The following ERBB2 variants were observed in gnomAD, a reference collection of about 807,000 sequenced individuals.
ERBB2 encodes erb-b2 receptor tyrosine kinase 2.
A neutral mutation model predicts 149.0 loss-of-function variants in ERBB2; 61 were observed. The observed-to-expected ratio is 0.41, with a 90% CI of 0.33 to 0.51. ERBB2 has a LOEUF of 0.51. Among genes scored for constraint, ERBB2 ranks in the 20% least tolerant of loss-of-function variants. The probability of loss-of-function intolerance (pLI) is 0.25; values close to 1 mark genes in which losing one functional copy is unlikely to be tolerated. For missense variants in ERBB2, 1,205 were observed against 1,655.1 expected, an observed-to-expected ratio of 0.73 and a Z score of 4.72; for synonymous variants, 633 against 678.8, an observed-to-expected ratio of 0.93 and a Z score of 1.05.
upstream of ERBB2, among the ~76,000 whole-genome samples, chr17:39,695,758 C>T (rs1051028060): frequency 2.7e-5 from 4 of 148,802 alleles, no homozygotes; most frequent in Non-Finnish European, 1.5e-5. Flanking sequence ...CACACACACA[C>T]GTCTCCTGTG....
chr17:39,694,262 T>TAAACAC (rs1164374202), upstream of ERBB2, among the ~76,000 whole-genome samples: 1 of 28,904 alleles, frequency 3.5e-5, no homozygotes, highest in Non-Finnish European at 7.8e-5. Context: ...TATATATATA[T>TAAACAC]ATATATGTGT....
rs2145265909 is a variant in ERBB2, at chr17:39,700,212, C to T, written c.-27C>T. ...CCTCCCAGCCGGGTCCAGCCGGAGC[C>T]ATGGGGCCGGAGCCGCAGTGAGCAC... On this transcript the variant is annotated 5_prime_UTR_variant, in exon 1 of 27. Transcript: ENST00000269571. 2.1e-6 allele frequency: 3 copies of T among 1,429,958 alleles called. No individual in the cohort carries two copies. The highest frequency in any genetic ancestry group is 2.7e-6 in the Non-Finnish European group (3 of 1,096,156). The allele number at this position is 1,429,958 out of a possible 1,614,324, so 88.6% of individuals were successfully genotyped here.
intron 9 of ERBB2, among the ~76,000 whole-genome samples, chr17:39,712,924 G>A (rs2058893279): frequency 6.6e-6 from 1 of 152,154 alleles, no homozygotes; most frequent in South Asian, 2.1e-4. Context: ...CTTTATGTGA[G>A]GCTCTGAACC....
chr17:39,723,699 G>A lies in ERBB2; in HGVS notation c.2208+39G>A, dbSNP rs775589007. 27 of 1,583,056 alleles carry A rather than the reference G, an allele frequency of 1.7e-5. No homozygotes were observed. The South Asian group carries it at 2.6e-4, about 15-fold the overall frequency. On this transcript the variant is annotated intron_variant, in intron 18 of 26. Coordinates refer to ENST00000269571, the MANE Select transcript of ERBB2 (RefSeq NM_004448.4). The surrounding 1 kb of genome is among the most constrained non-coding windows in gnomAD (Gnocchi z 6.2). Reference sequence around the variant, plus strand: ...CCTGGGGTGGGCGGCCCCAGAGGATGGGGGCGGTGCCTGGAGGGGTGTGGT... The same window carrying A: ...CCTGGGGTGGGCGGCCCCAGAGGATAGGGGCGGTGCCTGGAGGGGTGTGGT...
At chr17:39,712,801 A>G (rs368007383) in intron 9 of ERBB2, among the ~76,000 whole-genome samples, 37 of 152,372 alleles carry the variant, frequency 2.4e-4, no homozygotes, top group African/African-American at 7.0e-4. Context: ...CCATTTGGTG[A>G]AGTTCTACTT....
At position 39,706,762 on chromosome 17, in the gene ERBB2, G is replaced by A. The variant is rs4252609; in HGVS notation, c.74-228G>A. The A allele has an allele frequency of 1.5e-4, 58 of 388,382 alleles. No homozygotes were observed. In the East Asian group the frequency reaches 2.2e-3, roughly 15 times the overall value. The allele number at this position is 388,382 out of a possible 1,614,324, so 24.1% of individuals were successfully genotyped here. A position where few individuals can be genotyped will look rare whatever the true frequency, so the allele number is the denominator to read the frequency against. On this transcript the variant is annotated intron_variant, in intron 1 of 26. Coordinates refer to ENST00000269571, the MANE Select transcript of ERBB2 (RefSeq NM_004448.4). ...GGGGCAGCCTCTGAATGCACAGGGT[G>A]GGCCTAGTCAGAAGAAGCCTTTCCC...
At chr17:39,716,248 G>A in intron 12 of ERBB2, 53 bp from the exon 13 acceptor site, 2 of 1,511,152 alleles carry the variant, frequency 1.3e-6, no homozygotes, top group East Asian at 4.9e-5. Context: ...TGGTTCACTT[G>A]GACCTGGGGC....
intron 14 of ERBB2, 22 bp from the exon 15 acceptor site, chr17:39,717,298 A>T: frequency 6.3e-7 from 1 of 1,581,758 alleles, no homozygotes; most frequent in South Asian, 1.1e-5. Context: ...AGCCCCCCAC[A>T]AATCTTTTCT....
upstream of ERBB2, among the ~76,000 whole-genome samples, chr17:39,693,765 AAATAATAATAATAAT>A (rs71355408): frequency 0.018 from 2,520 of 143,434 alleles, 62 homozygotes; most frequent in African/African-American, 0.058. Flanking sequence ...CTCGAAAATA[AAATAATAATAATAAT>A]AATAATAATA....
chr17:39,704,718 G>A (rs531230122), intron 1 of ERBB2, among the ~76,000 whole-genome samples: 11 of 152,246 alleles, frequency 7.2e-5, no homozygotes, highest in South Asian at 4.2e-4. Flanking sequence ...CCTGGGAACC[G>A]TTCTCAGGGT....
chr17:39,696,336 C>A (rs183729890), upstream of ERBB2, among the ~76,000 whole-genome samples: 1 of 152,204 alleles, frequency 6.6e-6, no homozygotes, highest in African/African-American at 2.4e-5. Context: ...CTCCAGCCCC[C>A]TCTCCAGCTT....
chr17:39,721,261 C>CTTTTTTTTTTTT, intron 16 of ERBB2, among the ~76,000 whole-genome samples: 1 of 82,952 alleles, frequency 1.2e-5, no homozygotes, highest in Non-Finnish European at 2.5e-5. Flanking sequence ...TGAGCCAAGT[C>CTTTTTTTTTTTT]TTTTTTTTTT....
In ERBB2 at chr17:39,723,679, G is replaced by A. The variant is rs371040692; in HGVS notation, c.2208+19G>A. On this transcript the variant is annotated intron_variant, in intron 18 of 26. Transcript: ENST00000269571. The surrounding 1 kb of genome is among the most constrained non-coding windows in gnomAD (Gnocchi z 6.2). Reference sequence around the variant, plus strand: ...CTACAAGGTCAGGGCCAGGTCCTGGGGTGGGCGGCCCCAGAGGATGGGGGC... The same window carrying A: ...CTACAAGGTCAGGGCCAGGTCCTGGAGTGGGCGGCCCCAGAGGATGGGGGC... 6 of 1,594,900 alleles carry A rather than the reference G, an allele frequency of 3.8e-6. No individual in the cohort carries two copies. The highest frequency in any genetic ancestry group is 5.1e-6 in the Non-Finnish European group (6 of 1,170,952).
At position 39,723,022 on chromosome 17, in the gene ERBB2, G is replaced by A. The variant is rs957593285; in HGVS notation, c.1947-297G>A. ...CCAGGCATGAGCCACCGCGCCCAGA[G>A]TCCTTAGTGATTTTTACACCATGAA... On this transcript the variant is annotated intron_variant, in intron 16 of 26. Transcript: ENST00000269571. The surrounding 1 kb of genome is among the most constrained non-coding windows in gnomAD (Gnocchi z 6.2). Among the ~76,000 whole-genome samples, 4 of 152,088 alleles carry A rather than the reference G, an allele frequency of 2.6e-5. No individual in the cohort carries two copies. The highest frequency in any genetic ancestry group is 7.2e-5 in the African/African-American group (3 of 41,390).
At position 39,727,290 on chromosome 17, in the gene ERBB2, C is replaced by A. The variant is rs1340541969; in HGVS notation, c.3160-5C>A. On this transcript the variant is annotated splice_region_variant and splice_polypyrimidine_tract_variant and intron_variant, in intron 25 of 26. Coordinates refer to ENST00000269571, the MANE Select transcript of ERBB2 (RefSeq NM_004448.4). This position sits in a 1 kb window ranked among gnomAD's most constrained non-coding sequence, Gnocchi z 4.3. ...CCCCATCATGACTTTCTTTCTTGTCCCCAGAGTGGCGGTGGGGACCTGACA... is the reference window on the plus strand; with the variant it reads ...CCCCATCATGACTTTCTTTCTTGTCACCAGAGTGGCGGTGGGGACCTGACA... 1 of 1,612,450 alleles carries A rather than the reference C, an allele frequency of 6.2e-7. No homozygotes were observed.
intron 12 of ERBB2, 97 bp downstream of exon 12, chr17:39,716,036 G>T: frequency 7.9e-7 from 1 of 1,266,314 alleles, no homozygotes; most frequent in Non-Finnish European, 1.1e-6. Context: ...TGTGCAGACT[G>T]CCCGTCTCTG....
At position 39,726,835 on chromosome 17, in the gene ERBB2, C is replaced by G; in HGVS notation, c.2991C>G (p.Ala997=). The change falls in exon 25 of 27, where the codon GCC becomes GCG. Residue 997 remains alanine, a synonymous_variant. Transcript: ENST00000269571. The surrounding 1 kb of genome is among the most constrained non-coding windows in gnomAD (Gnocchi z 5.1). ...VVIQNEDLGP[A]SPLDSTFYRS... ...CACAGAATGAGGACTTGGGCCCAGC[C>G]AGTCCCTTGGACAGCACCTTCTACC... 1 of 1,612,682 alleles carries G rather than the reference C, an allele frequency of 6.2e-7. No homozygotes were observed. The highest frequency in any genetic ancestry group is 8.5e-7 in the Non-Finnish European group (1 of 1,179,142).
intron 6 of ERBB2, 35 bp downstream of exon 6, chr17:39,710,236 C>T (rs754564781): frequency 1.9e-6 from 3 of 1,607,188 alleles, no homozygotes; most frequent in South Asian, 2.2e-5. Context: ...ATGTGCTCTA[C>T]CCCCCAGGAT....
intron 1 of ERBB2, among the ~76,000 whole-genome samples, chr17:39,702,307 A>G (rs1324150549): frequency 6.6e-6 from 1 of 152,202 alleles, no homozygotes. Context: ...TCAGAAAAAA[A>G]GTATACCACC....
Sources: allele counts gnomAD v4.1 joint callset (sites outside exome capture counted in the v4.1 genomes callset), GRCh38; gene constraint gnomAD v4.1.1; non-coding constraint Gnocchi (gnomAD v3.1); transcripts MANE v1.5; gene names NCBI Gene and HGNC (gene_info 2026-07-23, HGNC 2026-07-21).